ATP1A4: variants seen among roughly 807,000 people sequenced by gnomAD.
ATP1A4 encodes ATPase Na+/K+ transporting subunit alpha 4.
ATP1A4 carries 90 observed loss-of-function variants against 114.3 expected under a neutral mutation model. The observed-to-expected ratio is 0.79, with a 90% CI of 0.66 to 0.94. The LOEUF is 0.94. ATP1A4 is among the 40% of genes least tolerant of loss of function. The pLI, the probability that ATP1A4 is intolerant of heterozygous loss-of-function variation, is 0.00. For synonymous variants in ATP1A4, 511 were observed against 494.1 expected (o/e 1.03, Z -0.45); for missense variants, 1,222 against 1,313.6 (o/e 0.93, Z 1.08).
At chr1:160,169,890 C>T (rs1653183278) in intron 10 of ATP1A4, 1 of 152,304 alleles carries the variant, frequency 6.6e-6, no homozygotes, top group Non-Finnish European at 1.5e-5. Flanking sequence ...TCTCAGGAGA[C>T]TTCTCACGCT....
intron 8 of ATP1A4, 110 bp from the exon 9 acceptor site, chr1:160,166,858 G>A: frequency 6.7e-7 from 1 of 1,496,964 alleles, no homozygotes; most frequent in South Asian, 1.2e-5. Context: ...AGGTGTGAAG[G>A]AAAAGAAATG....
Position 160,155,047 on chromosome 1 carries a change from C to A in ATP1A4, c.210C>A (p.Gly70=), listed in dbSNP as rs559691271. 8.7e-6 allele frequency: 14 copies of A among 1,613,438 alleles called. No homozygotes were observed. In the African/African-American group the frequency reaches 9.3e-5, roughly 11 times the overall value. Residue 70 remains glycine (G), a splice_region_variant and synonymous_variant, in exon 3 of 22, where the codon GGC becomes GGA. Coordinates refer to ENST00000368081, the MANE Select transcript of ATP1A4 (RefSeq NM_144699.4). ...STKYSVDLTK[G]HSHQRAKEIL... The stretch of plus-strand genomic sequence containing the variant: ...AACCCTATTTCTTCTCTGCACAGGG[C>A]CATAGCCACCAAAGGGCAAAGGAAA...
chr1:160,158,676 G>A (rs946935853), intron 4 of ATP1A4, among the ~76,000 whole-genome samples: 4 of 152,044 alleles, frequency 2.6e-5, no homozygotes, highest in African/African-American at 7.2e-5. Context: ...CACCAGTCAC[G>A]GCCTGAAAGC....
intron 17 of ATP1A4, chr1:160,177,264 T>C (rs1305427605): frequency 4.7e-6 from 2 of 425,104 alleles, no homozygotes; most frequent in Non-Finnish European, 8.3e-6. Flanking sequence ...AAGTCCTTTT[T>C]AGTTTTAAGA....
chr1:160,156,292 C>T (rs560580108), intron 4 of ATP1A4, 134 bp downstream of exon 4: 1 of 630,990 alleles, frequency 1.6e-6, no homozygotes, highest in Non-Finnish European at 2.8e-6. Flanking sequence ...GGTCAAGGTA[C>T]TGTATCAGTC....
intron 18 of ATP1A4, 126 bp downstream of exon 18, chr1:160,177,790 C>A: frequency 9.3e-7 from 1 of 1,075,186 alleles, no homozygotes; most frequent in Non-Finnish European, 1.3e-6. Context: ...GATGCCTTTT[C>A]TTCAGTCCTG....
chr1:160,166,548 C>G lies in ATP1A4; in HGVS notation c.1068C>G (p.Ala356=). 1 of 1,614,240 alleles carries G rather than the reference C, an allele frequency of 6.2e-7. No homozygotes were observed. Among genetic ancestry groups the G allele is most frequent in the Non-Finnish European group, 8.5e-7 (1 of 1,180,048 alleles). The part of the protein sequence containing the change: ...ATVTVCLTLT[A]KRMARKNCLV... ...TTTAGGTGTGCCTGACCCTCACAGC[C>G]AAGCGCATGGCGCGGAAGAACTGCC... The change falls in exon 8 of 22, where the codon GCC becomes GCG. Residue 356 remains alanine, a synonymous_variant. Coordinates refer to ENST00000368081, the MANE Select transcript of ATP1A4 (RefSeq NM_144699.4).
At position 160,174,747 on chromosome 1, in the gene ATP1A4, G is replaced by T. The variant is rs1653401694; in HGVS notation, c.2311G>T (p.Gly771Cys). Residue 771 changes from glycine (G) to cysteine (C), a missense_variant and splice_region_variant, in exon 15 of 22, where the codon GGC (glycine) becomes TGC (cysteine). Gly to Cys is a radical substitution (Grantham distance 159, BLOSUM62 -3). Transcript: ENST00000368081. ...CTCCATCGTCACGGGGGTGGAGGAGGGTGAGGAGGCAGGGTGCCCATGGTG... is the reference window on the plus strand; with the variant it reads ...CTCCATCGTCACGGGGGTGGAGGAGTGTGAGGAGGCAGGGTGCCCATGGTG... Reference protein sequence around the residue: ...FASIVTGVEEGRLIFDNLKKS... With the variant: ...FASIVTGVEECRLIFDNLKKS... The T allele has an allele frequency of 1.2e-6, 2 of 1,613,988 alleles. No individual in the cohort carries two copies. Among genetic ancestry groups the T allele is most frequent in the Non-Finnish European group, 1.7e-6 (2 of 1,180,024 alleles).
At position 160,167,319 on chromosome 1, in the gene ATP1A4, G is replaced by A. The variant is rs767871806; in HGVS notation, c.1398G>A (p.Lys466=). 3.1e-6 allele frequency: 5 copies of A among 1,610,002 alleles called. No homozygotes were observed. The highest frequency in any genetic ancestry group is 4.2e-6 in the Non-Finnish European group (5 of 1,179,064). The change falls in exon 10 of 22, where the codon AAG becomes AAA. Residue 466 remains lysine, a synonymous_variant. Coordinates refer to ENST00000368081, the MANE Select transcript of ATP1A4 (RefSeq NM_144699.4). The part of the protein sequence containing the change: ...TGDASESALL[K]FIEQSYSSVA... Reference sequence around the variant, plus strand: ...ATGCTTCCGAGTCAGCCCTCCTCAAGTTCATCGAGCAGTCTTACAGCTCTG... The same window carrying A: ...ATGCTTCCGAGTCAGCCCTCCTCAAATTCATCGAGCAGTCTTACAGCTCTG...
At chr1:160,175,558 T>C (rs1465566738) in intron 15 of ATP1A4, among the ~76,000 whole-genome samples, 1 of 151,770 alleles carries the variant, frequency 6.6e-6, no homozygotes, top group Non-Finnish European at 1.5e-5. Context: ...AATTAAATTA[T>C]ATAGTATGTT....
chr1:160,184,873 T>C (rs1305594017), intron 20 of ATP1A4, among the ~76,000 whole-genome samples: 2 of 152,000 alleles, frequency 1.3e-5, no homozygotes, highest in Non-Finnish European at 2.9e-5. Context: ...CAAAACAATA[T>C]CCCCATCTTT....
chr1:160,175,090 C>G (rs1182230275), intron 15 of ATP1A4, among the ~76,000 whole-genome samples: 1 of 152,178 alleles, frequency 6.6e-6, no homozygotes, highest in Non-Finnish European at 1.5e-5. Flanking sequence ...ACCCCTGGGA[C>G]TATTCCATGC....
At chr1:160,167,561 C>A in intron 10 of ATP1A4, 149 bp downstream of exon 10, 2 of 1,089,156 alleles carry the variant, frequency 1.8e-6, no homozygotes, top group Non-Finnish European at 1.3e-6. Context: ...AGACTCACAT[C>A]AAGAGAACGT....
chr1:160,176,451 CCT>C (rs146283502), intron 16 of ATP1A4, 26 bp from the exon 17 acceptor site: 46,538 of 1,613,840 alleles, frequency 0.029, 835 homozygotes, highest in Non-Finnish European at 0.035. Context: ...CTTTGTGACC[CCT>C]GTCATCCCCA....
At position 160,171,627 on chromosome 1, in the gene ATP1A4, TC is replaced by T; in HGVS notation, c.1727del (p.Pro576HisfsTer7). The T allele has an allele frequency of 6.2e-7, 1 of 1,614,156 alleles. No homozygotes were observed. Among genetic ancestry groups the T allele is most frequent in the African/African-American group, 1.3e-5 (1 of 75,046 alleles). ...CTGCCTAGCAGCTTCTCCAAGGGAT[TC>T]CCATTTAATACAGATGAAATAAATT... ...LNLPSSFSKG[F>X]PFNTDEINFP... On this transcript the variant is annotated frameshift_variant, in exon 12 of 22. Coordinates refer to ENST00000368081, the MANE Select transcript of ATP1A4 (RefSeq NM_144699.4). LOFTEE classifies it high-confidence loss of function.
chr1:160,160,541 A>G (rs1022164264), intron 6 of ATP1A4, among the ~76,000 whole-genome samples: 1 of 152,176 alleles, frequency 6.6e-6, no homozygotes, highest in African/African-American at 2.4e-5. Context: ...ATTTGAATGC[A>G]TAGTATTTGT....
At position 160,173,639 on chromosome 1, in the gene ATP1A4, G is replaced by T. The variant is rs758664090; in HGVS notation, c.1913G>T (p.Gly638Val). 3.1e-6 allele frequency: 5 copies of T among 1,614,178 alleles called. No individual in the cohort carries two copies. ...ITAKAIAKGV[G>V]IISEGTETAE... ...GCTAAGGCCATTGCCAAGGGTGTGG[G>T]CATCATCTCAGAAGGCACTGAGACG... Residue 638 changes from glycine to valine, a missense_variant, in exon 13 of 22, where the codon GGC becomes GTC. Coordinates refer to ENST00000368081, the MANE Select transcript of ATP1A4 (RefSeq NM_144699.4).
At chr1:160,165,430 G>A (rs1652990801) in intron 7 of ATP1A4, among the ~76,000 whole-genome samples, 1 of 152,174 alleles carries the variant, frequency 6.6e-6, no homozygotes, top group Non-Finnish European at 1.5e-5. Flanking sequence ...TTTCAATGCT[G>A]TGATATTATT....
At chr1:160,153,775 T>C (rs1652539653) in intron 2 of ATP1A4, among the ~76,000 whole-genome samples, 1 of 152,202 alleles carries the variant, frequency 6.6e-6, no homozygotes, top group African/African-American at 2.4e-5. Flanking sequence ...GGATAAAATC[T>C]GTTGTGATGT....
Sources: gnomAD v4.1 joint callset for allele counts (sites outside exome capture counted in the v4.1 genomes callset) on GRCh38, gnomAD v4.1.1 for gene constraint, MANE v1.5 for transcripts, NCBI Gene and HGNC (gene_info 2026-07-23, HGNC 2026-07-21) for gene names.